The following BAHCC1 variants were observed in gnomAD, a reference collection of about 807,000 sequenced individuals.
The protein encoded by BAHCC1 is BAH and coiled-coil domain-containing protein 1.
Under a neutral mutation model 88.2 loss-of-function variants are expected in BAHCC1, and 43 were observed. That is an observed-to-expected ratio of 0.49 (90% CI 0.38 to 0.63). BAHCC1 has a LOEUF of 0.63. Ranked by LOEUF, BAHCC1 falls within the 20% of genes least tolerant of loss-of-function variation. The probability of loss-of-function intolerance (pLI) is 0.00; values close to 1 mark genes in which losing one functional copy is unlikely to be tolerated. For synonymous variants in BAHCC1, 1,510 were observed against 745.5 expected, an observed-to-expected ratio of 2.03 and a Z score of -16.71; for missense variants, 3,023 against 1,654.8, an observed-to-expected ratio of 1.83 and a Z score of -14.34.
chr17:81,434,735 A>AGGGCAGCCTGGGGGGTGGGTTGT lies in BAHCC1; in HGVS notation c.359-3632_359-3610dup, dbSNP rs2064312648. On this transcript the variant is annotated intron_variant, in intron 3 of 27. Coordinates refer to ENST00000675386, the MANE Select transcript of BAHCC1 (RefSeq NM_001377448.1). This position sits in a 1 kb window ranked among gnomAD's most constrained non-coding sequence, Gnocchi z 4.9. The stretch of plus-strand genomic sequence containing the variant: ...TTCCACGGCAGGGATGCTCCCTGGA[A>AGGGCAGCCTGGGGGGTGGGTTGT]GGGCAGCCTGGGGGGTGGGTTGTGG... 1.3e-5 allele frequency among the ~76,000 whole-genome samples: 2 copies of AGGGCAGCCTGGGGGGTGGGTTGT among 151,984 alleles called. No individual in the cohort carries two copies. Among genetic ancestry groups the AGGGCAGCCTGGGGGGTGGGTTGT allele is most frequent in the Non-Finnish European group, 2.9e-5 (2 of 67,952 alleles).
intron 2 of BAHCC1, among the ~76,000 whole-genome samples, chr17:81,403,980 A>C (rs373437069): frequency 6.6e-6 from 1 of 152,258 alleles, no homozygotes; most frequent in Non-Finnish European, 1.5e-5. Flanking sequence ...TCACGTGAGT[A>C]ATAAGGCAAA....
At chr17:81,414,891 G>A (rs985581251) in intron 2 of BAHCC1, among the ~76,000 whole-genome samples, 3 of 152,182 alleles carry the variant, frequency 2.0e-5, no homozygotes, top group South Asian at 2.1e-4. Context: ...CCTGGATCCC[G>A]GTGTGGTCTC....
At chr17:81,460,090 G>GGT in intron 23 of BAHCC1, among the ~76,000 whole-genome samples, 187 bp from the exon 24 acceptor site, 1 of 152,258 alleles carries the variant, frequency 6.6e-6, no homozygotes, top group African/African-American at 2.4e-5. Context: ...TCACATGGGA[G>GGT]GCACTGCAGG....
At position 81,461,623 on chromosome 17, in the gene BAHCC1, C is replaced by T. The variant is rs2030289377; in HGVS notation, c.6960C>T (p.Ser2320=). 1 of 739,756 alleles carries T rather than the reference C, an allele frequency of 1.4e-6. No individual in the cohort carries two copies. 45.8% of individuals were successfully genotyped at this position (739,756 alleles called of 1,614,324 possible). Residue 2320 remains serine, a synonymous_variant, in exon 26 of 28, where the codon TCC becomes TCT. Transcript: ENST00000675386. ...FLARLSVSSS[S]SGSSTSSSSG... ...CCCGCCTGTCCGTGTCCTCTTCCTC[C>T]TCTGGCTCGTCCACCTCCTCCTCCT...
chr17:81,444,988 C>A, intron 8 of BAHCC1, 27 bp from the exon 9 acceptor site: 1 of 723,544 alleles, frequency 1.4e-6, no homozygotes, highest in Non-Finnish European at 2.5e-6. Flanking sequence ...CCCAGCCAGG[C>A]TGACCCCTCC....
intron 3 of BAHCC1, among the ~76,000 whole-genome samples, chr17:81,432,255 G>A (rs1001599259): frequency 2.2e-4 from 33 of 152,240 alleles, no homozygotes; most frequent in South Asian, 1.4e-3. Flanking sequence ...TGGTGCAGCC[G>A]CCCCGGCAGG....
At position 81,441,516 on chromosome 17, in the gene BAHCC1, G is replaced by T. The variant is rs545261611; in HGVS notation, c.482-315G>T. 5.1e-4 allele frequency among the ~76,000 whole-genome samples: 78 copies of T among 152,098 alleles called. 1 individual carries two copies. The South Asian group carries it at 0.016, about 30-fold the overall frequency. Reference sequence around the variant, plus strand: ...TCTCTACTAAAAATACAAAAAGTTAGCTGGGCCTGGTGGCGGGCTCCTGTA... The same window carrying T: ...TCTCTACTAAAAATACAAAAAGTTATCTGGGCCTGGTGGCGGGCTCCTGTA... On this transcript the variant is annotated intron_variant, in intron 4 of 27. Coordinates refer to ENST00000675386, the MANE Select transcript of BAHCC1 (RefSeq NM_001377448.1).
chr17:81,409,662 G>C (rs577189992), intron 2 of BAHCC1, among the ~76,000 whole-genome samples: 2 of 152,144 alleles, frequency 1.3e-5, no homozygotes, highest in Non-Finnish European at 2.9e-5. Flanking sequence ...GCCTCTCCCC[G>C]CCCAAGGGCC....
intron 5 of BAHCC1, 82 bp from the exon 6 acceptor site, chr17:81,443,727 G>A (rs782795177): frequency 1.7e-4 from 114 of 683,036 alleles, no homozygotes; most frequent in Non-Finnish European, 5.1e-5. Flanking sequence ...CCCCCAGCTC[G>A]AAGCGGGGTC....
intron 8 of BAHCC1, 55 bp from the exon 9 acceptor site, chr17:81,444,960 C>T: frequency 2.9e-6 from 2 of 692,066 alleles, no homozygotes; most frequent in Non-Finnish European, 5.3e-6. Flanking sequence ...GGGGAAGCAG[C>T]CCCGGAGCTG....
intron 2 of BAHCC1, chr17:81,400,974 A>G (rs1742624612): frequency 6.6e-6 from 1 of 152,454 alleles, no homozygotes; most frequent in Non-Finnish European, 1.5e-5. Context: ...GCTTTTGTTT[A>G]CAGTTTGTTC....
At chr17:81,436,402 C>T (rs2064336808) in intron 3 of BAHCC1, among the ~76,000 whole-genome samples, 2 of 152,230 alleles carry the variant, frequency 1.3e-5, no homozygotes, top group South Asian at 4.1e-4. Flanking sequence ...GGCTGGAGGC[C>T]TGGACCTCTG....
chr17:81,429,310 C>T (rs1008848775), intron 3 of BAHCC1, among the ~76,000 whole-genome samples: 4 of 152,200 alleles, frequency 2.6e-5, no homozygotes, highest in South Asian at 2.1e-4. Flanking sequence ...CACACACCTG[C>T]GAGGCCCGTG....
chr17:81,447,086 C>G lies in BAHCC1; in HGVS notation c.3214C>G (p.Pro1072Ala), dbSNP rs781793995. ...RPMAGLGFSL[P>A]SDVHSSNLED... ...CATGGCTGGCCTGGGCTTCTCCCTA[C>G]CCTCAGACGTGCACTCTTCTAACCT... Residue 1072 changes from proline to alanine, a missense_variant, in exon 11 of 28, where the codon CCC becomes GCC. Pro to Ala is a conservative substitution (Grantham distance 27). Transcript: ENST00000675386. 1 of 779,396 alleles carries G rather than the reference C, an allele frequency of 1.3e-6. No individual in the cohort carries two copies. The highest frequency in any genetic ancestry group is 2.4e-6 in the Non-Finnish European group (1 of 417,940). The allele number at this position is 779,396 out of a possible 1,614,324, so 48.3% of individuals were successfully genotyped here. A position where few individuals can be genotyped will look rare whatever the true frequency, so the allele number is the denominator to read the frequency against.
intron 1 of BAHCC1, among the ~76,000 whole-genome samples, chr17:81,398,105 A>C (rs942056509): frequency 1.3e-5 from 2 of 152,226 alleles, no homozygotes; most frequent in African/African-American, 4.8e-5. Context: ...GGTTTTCCGC[A>C]AAGTTCCTAA....
chr17:81,459,210 G>A (rs1555658451), intron 21 of BAHCC1, 42 bp downstream of exon 21: 3 of 772,576 alleles, frequency 3.9e-6, no homozygotes, highest in South Asian at 1.4e-5. Flanking sequence ...GGCCTGGAGG[G>A]CAACCGAGAC....
At chr17:81,446,490 T>C (rs1278672670) in intron 10 of BAHCC1, among the ~76,000 whole-genome samples, 4 of 143,600 alleles carry the variant, frequency 2.8e-5, no homozygotes, top group East Asian at 4.1e-4. Flanking sequence ...GGCCACTCTT[T>C]AGGGGAATGA....
chr17:81,427,892 T>C (rs2064219402), intron 3 of BAHCC1, among the ~76,000 whole-genome samples: 1 of 152,170 alleles, frequency 6.6e-6, no homozygotes, highest in South Asian at 2.1e-4. Flanking sequence ...ACCGCCCCGT[T>C]CCAGGCAGGG....
chr17:81,399,184 GT>G lies in BAHCC1; in HGVS notation c.-206-345del. 1 of 421,648 alleles carries G rather than the reference GT, an allele frequency of 2.4e-6. No homozygotes were observed. Among genetic ancestry groups the G allele is most frequent in the Non-Finnish European group, 4.8e-6 (1 of 209,842 alleles). The allele number at this position is 421,648 out of a possible 1,614,324, so 26.1% of individuals were successfully genotyped here. ...GTGCGTGATGGCTTCGCAGATTTGGGTTTTTATCACCCAGCAGAGCCAGCAG... is the reference window on the plus strand; with the variant it reads ...GTGCGTGATGGCTTCGCAGATTTGGGTTTTATCACCCAGCAGAGCCAGCAG... On this transcript the variant is annotated intron_variant, in intron 1 of 27. Transcript: ENST00000675386. The surrounding 1 kb of genome is among the most constrained non-coding windows in gnomAD (Gnocchi z 4.5).
Sources: allele counts gnomAD v4.1 joint callset (sites outside exome capture counted in the v4.1 genomes callset), GRCh38; gene constraint gnomAD v4.1.1; non-coding constraint Gnocchi (gnomAD v3.1); transcripts MANE v1.5; gene names NCBI Gene and HGNC (gene_info 2026-07-23, HGNC 2026-07-21).